PPP2R2D: variants seen among roughly 807,000 people sequenced by gnomAD.
PPP2R2D encodes serine/threonine-protein phosphatase 2A 55 kDa regulatory subunit B delta isoform.
A neutral mutation model predicts 31.1 loss-of-function variants in PPP2R2D; 9 were observed. That is an observed-to-expected ratio of 0.29 (90% CI 0.17 to 0.51). PPP2R2D has a LOEUF of 0.51. Among genes scored for constraint, PPP2R2D ranks in the 20% least tolerant of loss-of-function variants. The probability of loss-of-function intolerance (pLI) is 0.98; values close to 1 mark genes in which losing one functional copy is unlikely to be tolerated. For missense variants in PPP2R2D, 391 were observed against 465.6 expected, an observed-to-expected ratio of 0.84 and a Z score of 1.48; for synonymous variants, 179 against 172.6, an observed-to-expected ratio of 1.04 and a Z score of -0.29.
chr10:131,964,775 A>G (rs1217807327), downstream of PPP2R2D, among the ~76,000 whole-genome samples: 3 of 139,506 alleles, frequency 2.2e-5, no homozygotes, highest in African/African-American at 5.4e-5. Flanking sequence ...TTTATTATTT[A>G]TAACAGTGAG....
intron 2 of PPP2R2D, among the ~76,000 whole-genome samples, chr10:131,915,247 C>T (rs78530654): frequency 0.015 from 2,263 of 152,044 alleles, 64 homozygotes; most frequent in African/African-American, 0.052. Context: ...AGGGGGGATT[C>T]GTGCCTTACG....
At chr10:131,929,210 C>T (rs1192518392) in intron 2 of PPP2R2D, among the ~76,000 whole-genome samples, 1 of 152,246 alleles carries the variant, frequency 6.6e-6, no homozygotes, top group Non-Finnish European at 1.5e-5. Context: ...CAGGCGCCCC[C>T]TCCTGATCCT....
At chr10:131,967,703 A>G in the PPP2R2D span, 1 of 152,576 alleles carries the variant, frequency 6.6e-6, no homozygotes, top group African/African-American at 2.4e-5. Context: ...TTTGGCAAAG[A>G]TTTATTTTTT....
rs543923474 is a variant in PPP2R2D, at chr10:131,956,173, C to T, written c.*210C>T. 19 of 1,229,626 alleles carry T rather than the reference C, an allele frequency of 1.5e-5. No homozygotes were observed. The highest frequency in any genetic ancestry group is 4.0e-5 in the South Asian group (1 of 24,878). The allele number at this position is 1,229,626 out of a possible 1,614,324, so 76.2% of individuals were successfully genotyped here. On this transcript the variant is annotated 3_prime_UTR_variant, in exon 9 of 9. Transcript: ENST00000455566. ...ACAGGCGCTGCTGCTCACGTGGAGA[C>T]GCTCTCGAAGCAGAGTTGACGGACA...
At chr10:131,952,941 T>C (rs2036704951) in intron 8 of PPP2R2D, among the ~76,000 whole-genome samples, 1 of 71,782 alleles carries the variant, frequency 1.4e-5, no homozygotes, top group Non-Finnish European at 2.6e-5. Context: ...GGGGGGTCCC[T>C]GTCTTATCAG....
In PPP2R2D at chr10:131,935,272, G is replaced by A. The variant is rs138058381; in HGVS notation, c.198+717G>A. 4.5e-3 allele frequency among the ~76,000 whole-genome samples: 689 copies of A among 152,374 alleles called. 9 individuals are homozygous for A. The highest frequency in any genetic ancestry group is 0.015 in the African/African-American group (619 of 41,590). ...GATTCCTGGCAAGAACCCTGGCTCT[G>A]TGCAGCTAAGCCTGGGGTCTGAAAT... On this transcript the variant is annotated intron_variant, in intron 3 of 8. Transcript: ENST00000455566.
intron 2 of PPP2R2D, among the ~76,000 whole-genome samples, chr10:131,930,307 A>C (rs941980452): frequency 6.6e-6 from 1 of 152,114 alleles, no homozygotes; most frequent in African/African-American, 2.4e-5. Context: ...TCCCCAGACC[A>C]GTCTCCCTGG....
At chr10:131,948,233 G>A (rs2036576965) in intron 8 of PPP2R2D, among the ~76,000 whole-genome samples, 1 of 152,164 alleles carries the variant, frequency 6.6e-6, no homozygotes, top group South Asian at 2.1e-4. Flanking sequence ...CGTGGTCATG[G>A]CTGGTCTGAA....
At chr10:131,906,218 G>A (rs1231711879) in intron 2 of PPP2R2D, among the ~76,000 whole-genome samples, 4 of 152,174 alleles carry the variant, frequency 2.6e-5, no homozygotes, top group Non-Finnish European at 5.9e-5. Context: ...TGGAGAAACC[G>A]TGGGGAGGGG....
chr10:131,914,112 A>G lies in PPP2R2D; in HGVS notation c.100+12782A>G, dbSNP rs1057323540. 5.9e-5 allele frequency among the ~76,000 whole-genome samples: 9 copies of G among 152,242 alleles called. 1 individual carries two copies. Among genetic ancestry groups the G allele is most frequent in the Non-Finnish European group, 7.3e-5 (5 of 68,042 alleles). On this transcript the variant is annotated intron_variant, in intron 2 of 8. Coordinates refer to ENST00000455566, the MANE Select transcript of PPP2R2D (RefSeq NM_018461.5). ...CATTTGAGTGAAAAAAACACAGACA[A>G]TAGGTCTGCATGTTTAACCGCATCT...
Position 131,919,824 on chromosome 10 carries a change from GTGTT to G in PPP2R2D, c.101-14630_101-14627del, listed in dbSNP as rs565464044. ...GGGACCTCAGGCGGGTGGAGTGACA[GTGTT>G]TGTAGGGACCTCAGGTGGGTGGAAT... On this transcript the variant is annotated intron_variant, in intron 2 of 8. Coordinates refer to ENST00000455566, the MANE Select transcript of PPP2R2D (RefSeq NM_018461.5). Among the ~76,000 whole-genome samples, 338 of 139,978 alleles carry G rather than the reference GTGTT, an allele frequency of 2.4e-3. 5 individuals are homozygous for G. The highest frequency in any genetic ancestry group is 8.0e-3 in the African/African-American group (300 of 37,384). 91.8% of individuals were successfully genotyped at this position (139,978 alleles called of 152,430 possible). A position where few individuals can be genotyped will look rare whatever the true frequency, so the allele number is the denominator to read the frequency against.
At chr10:131,950,630 A>G (rs781899455) in intron 8 of PPP2R2D, among the ~76,000 whole-genome samples, 1 of 152,238 alleles carries the variant, frequency 6.6e-6, no homozygotes, top group East Asian at 1.9e-4. Context: ...GAAACTCAGT[A>G]GAGCGAGCTG....
intron 2 of PPP2R2D, among the ~76,000 whole-genome samples, chr10:131,902,678 G>T (rs980435529): frequency 6.6e-6 from 1 of 152,110 alleles, no homozygotes; most frequent in African/African-American, 2.4e-5. Flanking sequence ...GATTTCTGTC[G>T]CAAGTAAAGC....
chr10:131,944,802 A>T (rs962280116), intron 6 of PPP2R2D, among the ~76,000 whole-genome samples: 1 of 151,540 alleles, frequency 6.6e-6, no homozygotes, highest in Non-Finnish European at 1.5e-5. Context: ...GCCCTTTCTT[A>T]TTTTTTTCAG....
At chr10:131,901,579 C>A (rs1674747886) in intron 2 of PPP2R2D, among the ~76,000 whole-genome samples, 2 of 152,260 alleles carry the variant, frequency 1.3e-5, no homozygotes, top group Non-Finnish European at 2.9e-5. Flanking sequence ...ACCAAGGTCA[C>A]GGGCGGCCGG....
chr10:131,961,167 C>T (rs1218299594), downstream of PPP2R2D, among the ~76,000 whole-genome samples: 1 of 152,204 alleles, frequency 6.6e-6, no homozygotes, highest in Non-Finnish European at 1.5e-5. Flanking sequence ...GACGCTTCCC[C>T]AACCCCTGGG....
chr10:131,950,064 C>T (rs1237551404), intron 8 of PPP2R2D, among the ~76,000 whole-genome samples: 1 of 152,060 alleles, frequency 6.6e-6, no homozygotes, highest in African/African-American at 2.4e-5. Flanking sequence ...CAGAGAACAT[C>T]TAGAAATGAC....
At chr10:131,968,617 A>G in the PPP2R2D span, 1 of 1,507,262 alleles carries the variant, frequency 6.6e-7, no homozygotes, top group Non-Finnish European at 9.2e-7. Flanking sequence ...GATTCACAGG[A>G]GACTGTGTTA....
the PPP2R2D span, chr10:131,969,160 T>C: frequency 6.5e-6 from 1 of 153,374 alleles, no homozygotes; most frequent in East Asian, 1.9e-4. Flanking sequence ...GTGGGCACTG[T>C]GAGCGCAGAC....
Sources: allele counts gnomAD v4.1 joint callset (sites outside exome capture counted in the v4.1 genomes callset), GRCh38; gene constraint gnomAD v4.1.1; transcripts MANE v1.5; gene names NCBI Gene and HGNC (gene_info 2026-07-23, HGNC 2026-07-21).